NREP: variants seen among roughly 807,000 people sequenced by gnomAD.
NREP encodes neuronal regeneration-related protein.
NREP carries 5 observed loss-of-function variants against 8.6 expected under a neutral mutation model. The observed-to-expected ratio is 0.58, with a 90% CI of 0.30 to 1.22. The LOEUF (loss-of-function observed/expected upper bound fraction) is 1.22, where lower values mean the gene tolerates loss of function less well. NREP is among the 50% of genes most tolerant of loss of function. The pLI, the probability that NREP is intolerant of heterozygous loss-of-function variation, is 0.07. For missense variants in NREP, 86 were observed against 82.5 expected (o/e 1.04, Z -0.17); for synonymous variants, 27 against 28.0 (o/e 0.96, Z 0.11).
chr5:111,820,963 A>T (rs1752501123), intron 2 of NREP, among the ~76,000 whole-genome samples: 2 of 152,212 alleles, frequency 1.3e-5, no homozygotes, highest in Admixed American at 1.3e-4. Flanking sequence ...TGTAAAAATA[A>T]CTGGGTAACT....
intron 2 of NREP, among the ~76,000 whole-genome samples, chr5:111,955,900 G>GA (rs71867801): frequency 0.056 from 5,903 of 105,688 alleles, 406 homozygotes; most frequent in African/African-American, 0.18. Context: ...TTCCTGTAGT[G>GA]AAAAAAAAAA....
chr5:111,738,216 C>G (rs1205338883), intron 2 of NREP: 1 of 152,088 alleles, frequency 6.6e-6, no homozygotes, highest in Non-Finnish European at 1.5e-5. Context: ...TTTCTTATAC[C>G]TGCAGTATTT....
intron 2 of NREP, among the ~76,000 whole-genome samples, chr5:111,801,194 A>C (rs959965084): frequency 6.6e-6 from 1 of 152,266 alleles, no homozygotes; most frequent in African/African-American, 2.4e-5. Flanking sequence ...ATTTACAATT[A>C]CAAATGTTTA....
At chr5:111,947,678 AT>A (rs1226401589) in intron 2 of NREP, among the ~76,000 whole-genome samples, 1 of 152,058 alleles carries the variant, frequency 6.6e-6, no homozygotes, top group Non-Finnish European at 1.5e-5. Context: ...ACCTATAAAT[AT>A]TAGCCTATTA....
At chr5:111,825,091 A>G (rs1158191527) in intron 2 of NREP, among the ~76,000 whole-genome samples, 2 of 152,128 alleles carry the variant, frequency 1.3e-5, no homozygotes, top group African/African-American at 4.8e-5. Context: ...TGTAGACTCT[A>G]TTTTCCTTTT....
chr5:111,976,409 T>A (rs1470231519), intron 1 of NREP, among the ~76,000 whole-genome samples: 1 of 152,224 alleles, frequency 6.6e-6, no homozygotes, highest in Non-Finnish European at 1.5e-5. Context: ...TGTTACACCA[T>A]GTACCCCAAA....
intron 2 of NREP, among the ~76,000 whole-genome samples, chr5:111,924,652 C>A (rs1331378553): frequency 6.6e-6 from 1 of 152,126 alleles, no homozygotes; most frequent in African/African-American, 2.4e-5. Flanking sequence ...GTTGCAGGGG[C>A]TACTGCAGTG....
At chr5:111,976,471 A>C (rs1756966744) in intron 1 of NREP, among the ~76,000 whole-genome samples, 2 of 152,218 alleles carry the variant, frequency 1.3e-5, no homozygotes, top group Non-Finnish European at 2.9e-5. Flanking sequence ...CTCATGTGGC[A>C]CTGTATCCCA....
At chr5:111,780,695 T>C (rs1751472886) in intron 2 of NREP, among the ~76,000 whole-genome samples, 1 of 152,176 alleles carries the variant, frequency 6.6e-6, no homozygotes, top group Non-Finnish European at 1.5e-5. Context: ...AATTCACTAA[T>C]GAAACTAACA....
chr5:111,755,682 T>G, intron 2 of NREP, 88 bp downstream of exon 2: 38 of 1,427,942 alleles, frequency 2.7e-5, no homozygotes, highest in Non-Finnish European at 3.8e-5. Context: ...CAATGAAGGG[T>G]TGAGGCGGAT....
chr5:111,871,490 A>G (rs546309701), intron 2 of NREP, among the ~76,000 whole-genome samples: 120 of 152,280 alleles, frequency 7.9e-4, no homozygotes, highest in African/African-American at 2.9e-3. Flanking sequence ...CTTAGGCTAC[A>G]CTAAATATAT....
intron 2 of NREP, among the ~76,000 whole-genome samples, chr5:111,753,085 G>A (rs1000439841): frequency 1.3e-4 from 19 of 151,572 alleles, no homozygotes; most frequent in Non-Finnish European, 1.5e-5. Flanking sequence ...CTGTGGGGGT[G>A]GGAGAGGCAT....
chr5:111,790,814 G>A (rs1400470961), intron 2 of NREP, among the ~76,000 whole-genome samples: 4 of 152,018 alleles, frequency 2.6e-5, no homozygotes, highest in African/African-American at 4.8e-5. Flanking sequence ...GAACAACACA[G>A]GTTTAAATTG....
intron 2 of NREP, among the ~76,000 whole-genome samples, chr5:111,748,401 T>C (rs73223656): frequency 0.027 from 4,058 of 152,234 alleles, 180 homozygotes; most frequent in African/African-American, 0.091. Context: ...CATGACTCAT[T>C]GTATGATACC....
intron 2 of NREP, among the ~76,000 whole-genome samples, chr5:111,886,223 G>A (rs1298658033): frequency 6.6e-6 from 1 of 152,218 alleles, no homozygotes; most frequent in Non-Finnish European, 1.5e-5. Context: ...ATGAAAAAAT[G>A]CTCACCATCA....
intron 2 of NREP, among the ~76,000 whole-genome samples, chr5:111,885,470 A>C (rs1456569085): frequency 6.6e-6 from 1 of 152,160 alleles, no homozygotes; most frequent in Admixed American, 6.5e-5. Context: ...AATTGGAAAA[A>C]ACTACTTTAA....
At chr5:111,785,409 G>C (rs1038240516) in intron 2 of NREP, among the ~76,000 whole-genome samples, 1 of 152,084 alleles carries the variant, frequency 6.6e-6, no homozygotes, top group Non-Finnish European at 1.5e-5. Context: ...CTCCTGAGTA[G>C]CTGGGAGTAC....
At chr5:111,775,011 G>A (rs1362071468) in intron 2 of NREP, among the ~76,000 whole-genome samples, 3 of 152,156 alleles carry the variant, frequency 2.0e-5, no homozygotes, top group Admixed American at 6.5e-5. Flanking sequence ...ATGATGTGAG[G>A]AGAAATTTTC....
At chr5:111,867,054 G>A (rs1211436854) in intron 2 of NREP, among the ~76,000 whole-genome samples, 2 of 151,742 alleles carry the variant, frequency 1.3e-5, no homozygotes, top group African/African-American at 4.8e-5. Flanking sequence ...TAAATGACGA[G>A]TTACTGGGTG....
Sources: gnomAD v4.1 joint callset for allele counts (sites outside exome capture counted in the v4.1 genomes callset) on GRCh38, gnomAD v4.1.1 for gene constraint, MANE v1.5 for transcripts, NCBI Gene and HGNC (gene_info 2026-07-23, HGNC 2026-07-21) for gene names.